Variants in MORF4L1 observed in about 807,000 individuals in gnomAD.
The protein encoded by MORF4L1 is mortality factor 4 like 1.
A neutral mutation model predicts 52.9 loss-of-function variants in MORF4L1; 4 were observed. The observed-to-expected ratio is 0.08, with a 90% CI of 0.04 to 0.17. The LOEUF (loss-of-function observed/expected upper bound fraction) is 0.17, where lower values mean the gene tolerates loss of function less well. Among genes scored for constraint, MORF4L1 ranks in the 10% least tolerant of loss-of-function variants. MORF4L1 has a pLI of 1.00. For synonymous variants in MORF4L1, 123 were observed against 134.8 expected, an observed-to-expected ratio of 0.91 and a Z score of 0.61; for missense variants, 214 against 390.4, an observed-to-expected ratio of 0.55 and a Z score of 3.81.
rs2056906666 is a variant in MORF4L1, at chr15:78,897,231, C to CTT, written c.*169_*170dup. 6.1e-6 allele frequency: 3 copies of CTT among 495,316 alleles called. No individual in the cohort carries two copies. Among genetic ancestry groups the CTT allele is most frequent in the Non-Finnish European group, 3.6e-6 (1 of 278,012 alleles). The allele number at this position is 495,316 out of a possible 1,614,324, so 30.7% of individuals were successfully genotyped here. A position where few individuals can be genotyped will look rare whatever the true frequency, so the allele number is the denominator to read the frequency against. On this transcript the variant is annotated 3_prime_UTR_variant, in exon 12 of 12. Transcript: ENST00000426013. ...AAAAAATAAAAGGGGGTAATAGCTC[C>CTT]TTTTTTCTTCTTTCTTTTTTTTTTT...
At chr15:78,896,385 C>T (rs1368531935) in intron 11 of MORF4L1, among the ~76,000 whole-genome samples, 2 of 139,272 alleles carry the variant, frequency 1.4e-5, no homozygotes, top group Non-Finnish European at 3.0e-5. Flanking sequence ...GATCTCAGCT[C>T]ACCACAACCT....
chr15:78,873,885 A>G (rs2056425083), intron 1 of MORF4L1: 1 of 152,274 alleles, frequency 6.6e-6, no homozygotes, highest in Admixed American at 6.5e-5. Context: ...AGTAAATAAA[A>G]ATGATCTGAA....
intron 5 of MORF4L1, among the ~76,000 whole-genome samples, chr15:78,890,393 TG>T (rs2056779452): frequency 6.6e-6 from 1 of 152,078 alleles, no homozygotes; most frequent in Non-Finnish European, 1.5e-5. Context: ...CTTTTTTTTT[TG>T]GTGGGCCTAA....
chr15:78,883,902 G>T (rs945882866), intron 3 of MORF4L1, among the ~76,000 whole-genome samples: 8 of 152,124 alleles, frequency 5.3e-5, no homozygotes, highest in African/African-American at 1.7e-4. Context: ...TCACATTACC[G>T]TTAGAAAACT....
intron 3 of MORF4L1, among the ~76,000 whole-genome samples, chr15:78,881,145 C>G (rs975494441): frequency 7.3e-6 from 1 of 136,422 alleles, no homozygotes; most frequent in Non-Finnish European, 1.6e-5. Context: ...AACACAGAAA[C>G]ATTCAATTAT....
At chr15:78,882,644 A>T (rs2141466379) in intron 3 of MORF4L1, among the ~76,000 whole-genome samples, 1 of 152,304 alleles carries the variant, frequency 6.6e-6, no homozygotes, top group African/African-American at 2.4e-5. Flanking sequence ...TGTTAGGAGA[A>T]TTTCATTTCT....
At chr15:78,875,319 G>T (rs765127763) in intron 1 of MORF4L1, among the ~76,000 whole-genome samples, 1 of 152,166 alleles carries the variant, frequency 6.6e-6, no homozygotes, top group Admixed American at 6.5e-5. Context: ...AGATTTCCTT[G>T]TGCCGTTTTA....
intron 5 of MORF4L1, among the ~76,000 whole-genome samples, chr15:78,888,628 T>C (rs930271788): frequency 5.3e-5 from 8 of 152,092 alleles, no homozygotes; most frequent in African/African-American, 1.7e-4. Flanking sequence ...TTACACCCAG[T>C]GCTTTGGGAG....
At chr15:78,894,257 A>G in intron 10 of MORF4L1, 27 bp downstream of exon 10, 2 of 1,559,158 alleles carry the variant, frequency 1.3e-6, no homozygotes, top group Non-Finnish European at 1.7e-6. Context: ...AAAATAATGG[A>G]TTTTACTTTT....
chr15:78,893,843 T>C (rs1360855331), intron 9 of MORF4L1, among the ~76,000 whole-genome samples: 2 of 151,740 alleles, frequency 1.3e-5, no homozygotes, highest in Non-Finnish European at 2.9e-5. Flanking sequence ...CATGTAGGTA[T>C]TTGCATAACC....
At chr15:78,876,205 G>A (rs2056486937) in intron 1 of MORF4L1, among the ~76,000 whole-genome samples, 1 of 151,672 alleles carries the variant, frequency 6.6e-6, no homozygotes, top group African/African-American at 2.4e-5. Flanking sequence ...CAAAGTTCTG[G>A]GATTACAGGT....
rs1406851618 is a variant in MORF4L1, at chr15:78,893,605, T to G, written c.607T>G (p.Ser203Ala). Residue 203 changes from serine (S) to alanine (A), a missense_variant, in exon 9 of 12, where the codon TCT becomes GCT. Physicochemically the swap from Ser to Ala is moderately conservative, Grantham distance 99. This residue lies in a region of MORF4L1 where 68 missense variants were observed against 171.6 expected (regional missense o/e 0.40). Transcript: ENST00000426013. ...ILEDYANYKK[S>A]RGNTDNKEYA... The stretch of plus-strand genomic sequence containing the variant: ...TGAGGATTATGCAAATTACAAGAAA[T>G]CTCGTGGAAACACAGATAATAAGTA... 2 of 1,594,456 alleles carry G rather than the reference T, an allele frequency of 1.3e-6. No homozygotes were observed. The highest frequency in any genetic ancestry group is 1.7e-6 in the Non-Finnish European group (2 of 1,164,950).
intron 2 of MORF4L1, among the ~76,000 whole-genome samples, chr15:78,879,734 T>C (rs1225580705): frequency 1.3e-5 from 2 of 151,764 alleles, no homozygotes; most frequent in Admixed American, 1.3e-4. Context: ...GGTCAGGAGT[T>C]TGAGATCAGT....
intron 1 of MORF4L1, among the ~76,000 whole-genome samples, chr15:78,877,153 CCTT>C (rs1355101276): frequency 1.7e-5 from 2 of 120,108 alleles, no homozygotes; most frequent in African/African-American, 3.1e-5. Context: ...GAGGGCGGCT[CCTT>C]CTCACCCAGG....
chr15:78,876,854 AG>A (rs1257213811), intron 1 of MORF4L1, among the ~76,000 whole-genome samples: 13 of 152,276 alleles, frequency 8.5e-5, no homozygotes, highest in African/African-American at 3.1e-4. Flanking sequence ...TTAAAAATAA[AG>A]TTAATAGGTC....
intron 10 of MORF4L1, 77 bp from the exon 11 acceptor site, chr15:78,894,743 G>C (rs1408999748): frequency 9.1e-7 from 1 of 1,094,536 alleles, no homozygotes; most frequent in African/African-American, 1.5e-5. Context: ...GGTGGTGTTT[G>C]CTCACATAAT....
intron 3 of MORF4L1, among the ~76,000 whole-genome samples, chr15:78,883,241 A>G (rs1168274376): frequency 1.3e-5 from 2 of 152,030 alleles, no homozygotes; most frequent in Non-Finnish European, 2.9e-5. Flanking sequence ...TTGAACACAT[A>G]AAAAACTAAG....
chr15:78,882,439 CTG>C (rs1323145918), intron 3 of MORF4L1, among the ~76,000 whole-genome samples: 2 of 152,122 alleles, frequency 1.3e-5, no homozygotes, highest in Non-Finnish European at 2.9e-5. Flanking sequence ...ATGGAGAAAA[CTG>C]TCTTGGTAGA....
Position 78,874,563 on chromosome 15 carries a change from TTTTTC to T in MORF4L1, c.40+1516_40+1520del, listed in dbSNP as rs1280765584. Among the ~76,000 whole-genome samples, 9 of 149,018 alleles carry T rather than the reference TTTTTC, an allele frequency of 6.0e-5. No homozygotes were observed. The South Asian group carries it at 6.3e-4, about 10-fold the overall frequency. ...CTGTTTTGTTTTTTAGGGTTTTTGTTTTTTCTTTTCTTTTTCTTTCTTTTTTTTTT... is the reference window on the plus strand; with the variant it reads ...CTGTTTTGTTTTTTAGGGTTTTTGTTTTTTCTTTTTCTTTCTTTTTTTTTT... On this transcript the variant is annotated intron_variant, in intron 1 of 11. Coordinates refer to ENST00000426013, the MANE Select transcript of MORF4L1 (RefSeq NM_006791.4).
Sources: allele counts gnomAD v4.1 joint callset (sites outside exome capture counted in the v4.1 genomes callset), GRCh38; gene constraint gnomAD v4.1.1; regional missense constraint gnomAD v4.1.1; transcripts MANE v1.5; gene names NCBI Gene and HGNC (gene_info 2026-07-23, HGNC 2026-07-21).